Variants in SNTG2 observed in about 807,000 individuals in gnomAD.
SNTG2 encodes the protein syntrophin gamma 2, also known as gamma-2-syntrophin.
A neutral mutation model predicts 70.9 loss-of-function variants in SNTG2; 74 were observed. The ratio of observed to expected loss-of-function variants is 1.04; its 90% CI spans 0.86 to 1.27. SNTG2 has a LOEUF of 1.27. Among genes scored for constraint, SNTG2 ranks in the 50% most tolerant of loss-of-function variants. The probability of loss-of-function intolerance (pLI) is 0.00; values close to 1 mark genes in which losing one functional copy is unlikely to be tolerated. For missense variants in SNTG2, 717 were observed against 690.7 expected (o/e 1.04, Z -0.43); for synonymous variants, 278 against 273.8 (o/e 1.02, Z -0.15).
intron 14 of SNTG2, among the ~76,000 whole-genome samples, chr2:1,271,648 C>T (rs768501617): frequency 6.6e-6 from 1 of 152,078 alleles, no homozygotes; most frequent in Non-Finnish European, 1.5e-5. Context: ...GATTGTGCCT[C>T]GGTGTGGCTC....
intron 2 of SNTG2, among the ~76,000 whole-genome samples, chr2:1,092,706 T>G (rs1414206140): frequency 6.6e-6 from 1 of 152,226 alleles, no homozygotes; most frequent in African/African-American, 2.4e-5. Context: ...AATATGATCT[T>G]ATATACCCCC....
intron 11 of SNTG2, among the ~76,000 whole-genome samples, chr2:1,245,855 C>T (rs1677391549): frequency 6.6e-6 from 1 of 152,142 alleles, no homozygotes; most frequent in Non-Finnish European, 1.5e-5. Flanking sequence ...TGAGGGATTC[C>T]TATGGGACAC....
rs76115174 is a variant in SNTG2, at chr2:1,119,824, A to G, written c.326-17798A>G. Among the ~76,000 whole-genome samples the G allele has an allele frequency of 7.2e-5, 11 of 152,280 alleles. No individual in the cohort carries two copies. In the East Asian group the frequency reaches 1.9e-3, roughly 27 times the overall value. On this transcript the variant is annotated intron_variant, in intron 4 of 16. Transcript: ENST00000308624. ...GGCATTGCTCATTTCTTATCTGTCA[A>G]TAATCACCTTGAATATTACAAATAA...
rs569787212 is a variant in SNTG2 at position 1,076,239 on chromosome 2, C to T, written c.73-7279C>T. ...ATTCTTGATAACCAAGCACTTCTTACAGCTCCCTTAGCTGTTAACTTCTAG... is the reference window on the plus strand; with the variant it reads ...ATTCTTGATAACCAAGCACTTCTTATAGCTCCCTTAGCTGTTAACTTCTAG... On this transcript the variant is annotated intron_variant, in intron 1 of 16. Coordinates refer to ENST00000308624, the MANE Select transcript of SNTG2 (RefSeq NM_018968.4). 2.6e-5 allele frequency among the ~76,000 whole-genome samples: 4 copies of T among 152,332 alleles called. No homozygotes were observed. The South Asian group carries it at 8.3e-4, about 32-fold the overall frequency.
At chr2:1,016,730 G>A (rs191929573) in intron 1 of SNTG2, among the ~76,000 whole-genome samples, 2 of 152,366 alleles carry the variant, frequency 1.3e-5, no homozygotes, top group African/African-American at 4.8e-5. Flanking sequence ...GACTGGCTCT[G>A]AGACATTTGA....
At chr2:1,060,673 T>C (rs1662761270) in intron 1 of SNTG2, among the ~76,000 whole-genome samples, 1 of 152,206 alleles carries the variant, frequency 6.6e-6, no homozygotes, top group Non-Finnish European at 1.5e-5. Context: ...CTAAGAATGA[T>C]ACTAAATTAT....
intron 1 of SNTG2, among the ~76,000 whole-genome samples, chr2:965,954 G>A (rs116050402): frequency 0.076 from 11,514 of 152,094 alleles, 657 homozygotes; most frequent in South Asian, 0.2. Flanking sequence ...AGCTCCTCCC[G>A]GCTGCTCCCG....
intron 7 of SNTG2, among the ~76,000 whole-genome samples, chr2:1,169,727 G>T (rs1670997761): frequency 6.6e-6 from 1 of 152,162 alleles, no homozygotes; most frequent in Non-Finnish European, 1.5e-5. Flanking sequence ...CCTGAGCGGG[G>T]CTGTGCTGAC....
chr2:960,435 G>T (rs1348005029), intron 1 of SNTG2, among the ~76,000 whole-genome samples: 1 of 152,214 alleles, frequency 6.6e-6, no homozygotes, highest in African/African-American at 2.4e-5. Context: ...TTTCTCATCG[G>T]TGAGATTGGA....
At chr2:1,351,245 T>C (rs1255088600) in intron 16 of SNTG2, among the ~76,000 whole-genome samples, 1 of 152,064 alleles carries the variant, frequency 6.6e-6, no homozygotes. Flanking sequence ...CAGGGATTCA[T>C]CTTTAAAATA....
intron 1 of SNTG2, among the ~76,000 whole-genome samples, chr2:1,037,820 A>G (rs549980804): frequency 6.6e-6 from 1 of 152,290 alleles, no homozygotes; most frequent in South Asian, 2.1e-4. Context: ...TTATGGCTAC[A>G]ACATGTTATT....
chr2:1,240,722 C>T (rs376640318), intron 11 of SNTG2, among the ~76,000 whole-genome samples: 1 of 152,136 alleles, frequency 6.6e-6, no homozygotes, highest in South Asian at 2.1e-4. Context: ...GAAAATAGGG[C>T]TGTGTTTTAA....
At chr2:1,100,708 A>G (rs1450025202) in intron 4 of SNTG2, among the ~76,000 whole-genome samples, 1 of 152,158 alleles carries the variant, frequency 6.6e-6, no homozygotes, top group Non-Finnish European at 1.5e-5. Flanking sequence ...GGCCCAATGC[A>G]GCTCTGTTCC....
chr2:970,395 T>A (rs1383557746), intron 1 of SNTG2, among the ~76,000 whole-genome samples: 28 of 149,516 alleles, frequency 1.9e-4, no homozygotes, highest in African/African-American at 6.6e-4. Flanking sequence ...ATTAGGTATA[T>A]CTCCCAATGC....
chr2:1,099,806 G>C (rs1467995470), intron 4 of SNTG2, among the ~76,000 whole-genome samples: 1 of 152,202 alleles, frequency 6.6e-6, no homozygotes, highest in South Asian at 2.1e-4. Context: ...TCAGGGAAGA[G>C]AGGTTTCCAC....
intron 7 of SNTG2, among the ~76,000 whole-genome samples, chr2:1,168,057 C>T (rs1174578034): frequency 9.1e-5 from 12 of 131,490 alleles, no homozygotes; most frequent in South Asian, 5.2e-4. Flanking sequence ...ACCTACAGGC[C>T]GCCCACAGAC....
chr2:971,813 C>T lies in SNTG2; in HGVS notation c.72+20745C>T, dbSNP rs544934207. ...GGTGTTCAGCACTATAAACTTTTGT[C>T]TTAATACTGCTTTAGGTGTGTTCCA... is the stretch of plus-strand genomic sequence containing the variant. On this transcript the variant is annotated intron_variant, in intron 1 of 16. Coordinates refer to ENST00000308624, the MANE Select transcript of SNTG2 (RefSeq NM_018968.4). 1.1e-3 allele frequency among the ~76,000 whole-genome samples: 168 copies of T among 150,984 alleles called. 1 individual carries two copies. The highest frequency in any genetic ancestry group is 4.0e-3 in the African/African-American group (165 of 41,208).
At chr2:1,266,994 C>T (rs1345357620) in intron 13 of SNTG2, among the ~76,000 whole-genome samples, 2 of 152,124 alleles carry the variant, frequency 1.3e-5, no homozygotes, top group African/African-American at 4.8e-5. Flanking sequence ...TGGTCTCAGA[C>T]TCCTGGGCTC....
At chr2:1,003,204 A>T (rs745566123) in intron 1 of SNTG2, among the ~76,000 whole-genome samples, 75 of 152,314 alleles carry the variant, frequency 4.9e-4, no homozygotes, top group Non-Finnish European at 9.3e-4. Context: ...TGGTATATCC[A>T]TGTAACAAAA....
Sources: gnomAD v4.1 joint callset for allele counts (sites outside exome capture counted in the v4.1 genomes callset) on GRCh38, gnomAD v4.1.1 for gene constraint, MANE v1.5 for transcripts, NCBI Gene and HGNC (gene_info 2026-07-23, HGNC 2026-07-21) for gene names.